The following TNRC6A variants were observed in gnomAD, a reference collection of about 807,000 sequenced individuals.
TNRC6A encodes trinucleotide repeat-containing gene 6A protein.
TNRC6A carries 44 observed loss-of-function variants against 221.2 expected under a neutral mutation model. The observed-to-expected ratio is 0.20, with a 90% confidence interval of 0.16 to 0.26. The LOEUF (loss-of-function observed/expected upper bound fraction) is 0.26, where lower values mean the gene tolerates loss of function less well. TNRC6A is among the 10% of genes least tolerant of loss of function. TNRC6A has a pLI of 1.00. For missense variants in TNRC6A, 2,199 were observed against 2,404.4 expected, an observed-to-expected ratio of 0.91 and a Z score of 1.79; for synonymous variants, 847 against 838.5, an observed-to-expected ratio of 1.01 and a Z score of -0.18.
Position 24,807,299 on chromosome 16 carries a change from C to G in TNRC6A, c.4540+515C>G, listed in dbSNP as rs925043444. On this transcript the variant is annotated intron_variant, in intron 17 of 24. Coordinates refer to ENST00000395799, the MANE Select transcript of TNRC6A (RefSeq NM_014494.4). ...GGATTACAGGCATGAGCCACCATGC[C>G]CAGCCTTCAAAATCACACTATTTCA... Among the ~76,000 whole-genome samples, 6 of 152,300 alleles carry G rather than the reference C, an allele frequency of 3.9e-5. No homozygotes were observed. The East Asian group carries it at 1.2e-3, about 29-fold the overall frequency.
chr16:24,728,012 CAT>C (rs2151123229), upstream of TNRC6A, among the ~76,000 whole-genome samples: 1 of 152,054 alleles, frequency 6.6e-6, no homozygotes, highest in African/African-American at 2.4e-5. Context: ...GAAAAAAAGT[CAT>C]AATCAGTTAA....
At chr16:24,758,431 A>G in intron 4 of TNRC6A, 71 bp downstream of exon 4, 1 of 1,494,138 alleles carries the variant, frequency 6.7e-7, no homozygotes. Flanking sequence ...ATTTTTGTTC[A>G]CCTCAAGGAT....
Position 24,823,645 on chromosome 16 carries a change from C to T in TNRC6A, c.5727C>T (p.Asn1909=), listed in dbSNP as rs2152121898. The T allele has an allele frequency of 6.2e-7, 1 of 1,613,338 alleles. No homozygotes were observed. Among genetic ancestry groups the T allele is most frequent in the East Asian group, 2.2e-5 (1 of 44,866 alleles). ...HWNGAGLSGT[N]CGDLHGTSLW... ...ATGGTGCTGGGCTGTCGGGAACTAA[C>T]TGTGGAGACCTTCACGGCACTTCAC... Residue 1909 remains asparagine (N), a synonymous_variant, in exon 25 of 25, where the codon AAC becomes AAT. Coordinates refer to ENST00000395799, the MANE Select transcript of TNRC6A (RefSeq NM_014494.4). The surrounding 1 kb of genome is among the most constrained non-coding windows in gnomAD (Gnocchi z 4.3).
chr16:24,741,719 T>G (rs2056896317), intron 2 of TNRC6A, among the ~76,000 whole-genome samples: 1 of 152,244 alleles, frequency 6.6e-6, no homozygotes, highest in Non-Finnish European at 1.5e-5. Flanking sequence ...AGTTTTATTT[T>G]CTACTGTATG....
chr16:24,674,933 G>A (rs2055378195), intron 2 of TNRC6A, among the ~76,000 whole-genome samples: 2 of 152,110 alleles, frequency 1.3e-5, no homozygotes, highest in Non-Finnish European at 2.9e-5. Context: ...GAACCCAGGA[G>A]TTCAAGACTA....
At chr16:24,640,421 A>AG (rs1901882402) in intron 1 of TNRC6A, among the ~76,000 whole-genome samples, 1 of 151,510 alleles carries the variant, frequency 6.6e-6, no homozygotes, top group Non-Finnish European at 1.5e-5. Flanking sequence ...AGAAAAAAAA[A>AG]AAAGGAAGAA....
intron 2 of TNRC6A, among the ~76,000 whole-genome samples, chr16:24,643,091 ATTT>A (rs1299837340): frequency 4.4e-5 from 6 of 136,146 alleles, no homozygotes; most frequent in Non-Finnish European, 7.7e-5. Flanking sequence ...ATATATATAT[ATTT>A]TATATATATA....
intron 2 of TNRC6A, among the ~76,000 whole-genome samples, chr16:24,676,305 A>C (rs1277624070): frequency 6.6e-6 from 1 of 151,870 alleles, no homozygotes; most frequent in Non-Finnish European, 1.5e-5. Flanking sequence ...GTATGTATTT[A>C]TTTATTTAAG....
chr16:24,725,779 T>G (rs2056481007), upstream of TNRC6A, among the ~76,000 whole-genome samples: 1 of 151,514 alleles, frequency 6.6e-6, no homozygotes, highest in Admixed American at 6.6e-5. Context: ...AGGCGGGTGA[T>G]CACTTGAGTC....
intron 4 of TNRC6A, among the ~76,000 whole-genome samples, chr16:24,761,659 C>G (rs2057366538): frequency 6.6e-6 from 1 of 151,934 alleles, no homozygotes; most frequent in South Asian, 2.1e-4. Flanking sequence ...AATCCTCCTG[C>G]CTCCTGAGTA....
At chr16:24,818,940 G>C (rs1290902718) in intron 21 of TNRC6A, among the ~76,000 whole-genome samples, 1 of 151,650 alleles carries the variant, frequency 6.6e-6, no homozygotes, top group Non-Finnish European at 1.5e-5. Flanking sequence ...CAGCAGCTCT[G>C]TAATTAAATG....
intron 2 of TNRC6A, among the ~76,000 whole-genome samples, chr16:24,654,941 C>T (rs1347192464): frequency 6.6e-6 from 1 of 152,024 alleles, no homozygotes; most frequent in Non-Finnish European, 1.5e-5. Flanking sequence ...CATTTATGAT[C>T]ATCTATGAGG....
chr16:24,805,575 A>G lies in TNRC6A; in HGVS notation c.4123-30A>G, dbSNP rs1381494784. The G allele has an allele frequency of 3.1e-6, 5 of 1,612,410 alleles. No homozygotes were observed. ...GTAGTTAGTGTGAGTTATTTTATCA[A>G]GATCATTAACTTACCATTGTGATCC... On this transcript the variant is annotated intron_variant, in intron 14 of 24. Transcript: ENST00000395799.
chr16:24,618,875 C>T (rs1166570952), intron 1 of TNRC6A, among the ~76,000 whole-genome samples: 1 of 151,900 alleles, frequency 6.6e-6, no homozygotes, highest in Non-Finnish European at 1.5e-5. Flanking sequence ...AGTGATCCAC[C>T]CACCTCGGCC....
intron 2 of TNRC6A, among the ~76,000 whole-genome samples, chr16:24,644,334 C>G (rs1902164052): frequency 6.6e-6 from 1 of 150,858 alleles, no homozygotes. Context: ...TCACTCTGTC[C>G]ACCAGGCTGG....
chr16:24,681,346 G>A (rs189474665), intron 2 of TNRC6A, among the ~76,000 whole-genome samples: 1 of 152,268 alleles, frequency 6.6e-6, no homozygotes, highest in East Asian at 1.9e-4. Flanking sequence ...TCCTGCCTCA[G>A]CCTCCCGGGT....
intron 1 of TNRC6A, among the ~76,000 whole-genome samples, chr16:24,621,317 A>G (rs1191553700): frequency 2.7e-5 from 4 of 149,476 alleles, no homozygotes; most frequent in Non-Finnish European, 4.4e-5. Context: ...AACAATGTAT[A>G]GTCAAAATTC....
chr16:24,771,272 T>C (rs1474575464), intron 4 of TNRC6A, among the ~76,000 whole-genome samples: 2 of 152,204 alleles, frequency 1.3e-5, no homozygotes, highest in Non-Finnish European at 2.9e-5. Flanking sequence ...GTTCTCAGTG[T>C]TTCAGAGTAT....
At chr16:24,818,735 G>A (rs757088161) in intron 21 of TNRC6A, 35 bp downstream of exon 21, 2 of 1,534,978 alleles carry the variant, frequency 1.3e-6, no homozygotes, top group South Asian at 1.1e-5. Context: ...GGGAGGGTTG[G>A]TCACAGCCAG....
Sources: allele counts gnomAD v4.1 joint callset (sites outside exome capture counted in the v4.1 genomes callset), GRCh38; gene constraint gnomAD v4.1.1; non-coding constraint Gnocchi (gnomAD v3.1); transcripts MANE v1.5; gene names NCBI Gene and HGNC (gene_info 2026-07-23, HGNC 2026-07-21).